The following CASZ1 variants were observed in gnomAD, a reference collection of about 807,000 sequenced individuals.
CASZ1 encodes zinc finger protein castor homolog 1.
Under a neutral mutation model 135.2 loss-of-function variants are expected in CASZ1, and 28 were observed. The observed-to-expected ratio is 0.21, with a 90% CI of 0.15 to 0.28. CASZ1 has a LOEUF of 0.28. Ranked by LOEUF, CASZ1 falls within the 10% of genes least tolerant of loss-of-function variation. The pLI is 1.00. For missense variants in CASZ1, 2,161 were observed against 2,453.3 expected, an observed-to-expected ratio of 0.88 and a Z score of 2.52; for synonymous variants, 1,068 against 1,073.4, an observed-to-expected ratio of 0.99 and a Z score of 0.10.
In CASZ1 at chr1:10,711,594, A is replaced by T. The variant is rs1371694558; in HGVS notation, c.-76-6050T>A. 6.6e-6 allele frequency among the ~76,000 whole-genome samples: 1 copy of T among 152,106 alleles called. No individual in the cohort carries two copies. The highest frequency in any genetic ancestry group is 1.5e-5 in the Non-Finnish European group (1 of 68,004). On this transcript the variant is annotated intron_variant, in intron 2 of 20. Coordinates refer to ENST00000377022, the MANE Select transcript of CASZ1 (RefSeq NM_001079843.3). This position sits in a 1 kb window ranked among gnomAD's most constrained non-coding sequence, Gnocchi z 4.4. ...ATGGAAAACAGGTACTCAAAAAAAA[A>T]AAAAAAAGAAAAACAAACAAAACCT...
At position 10,701,721 on chromosome 1, in the gene CASZ1, G is replaced by T. The variant is rs1420160977; in HGVS notation, c.-24+3771C>A. Among the ~76,000 whole-genome samples, 1 of 152,196 alleles carries T rather than the reference G, an allele frequency of 6.6e-6. No homozygotes were observed. The highest frequency in any genetic ancestry group is 1.5e-5 in the Non-Finnish European group (1 of 68,032). ...TCGGCCGATCAGGCTGCTGGTTTGA[G>T]GGCTGGCAGCCTTGGCCGGGACGGA... On this transcript the variant is annotated intron_variant, in intron 3 of 20. Transcript: ENST00000377022. This position sits in a 1 kb window ranked among gnomAD's most constrained non-coding sequence, Gnocchi z 6.3.
rs893383375 is a variant in CASZ1, at chr1:10,747,545, C to T, written c.-77+13156G>A. On this transcript the variant is annotated intron_variant, in intron 2 of 20. Transcript: ENST00000377022. The surrounding 1 kb of genome is among the most constrained non-coding windows in gnomAD (Gnocchi z 4.3). ...TGAGCAGAAGCTGCAGTCCCTGTCC[C>T]GGGCTTTGCAGAGTGGGGAGAAGGT... is the stretch of plus-strand genomic sequence containing the variant. Among the ~76,000 whole-genome samples, 2 of 152,172 alleles carry T rather than the reference C, an allele frequency of 1.3e-5. No homozygotes were observed. Among genetic ancestry groups the T allele is most frequent in the Non-Finnish European group, 2.9e-5 (2 of 68,040 alleles).
At chr1:10,698,123 G>A (rs1417074066) in intron 3 of CASZ1, among the ~76,000 whole-genome samples, 11 of 152,232 alleles carry the variant, frequency 7.2e-5, no homozygotes, top group South Asian at 4.1e-4. Context: ...CGAGGGCCGC[G>A]CCGAGTGTAA....
rs546365861 is a variant in CASZ1, at chr1:10,662,529, C to T, written c.506-1993G>A. 9.7e-4 allele frequency among the ~76,000 whole-genome samples: 147 copies of T among 152,002 alleles called. 1 individual carries two copies. The highest frequency in any genetic ancestry group is 1.8e-3 in the Non-Finnish European group (125 of 67,990). ...ACACGGTCACATGCACACAGTCACA[C>T]ACAACACACATGCAATCACACACAC... On this transcript the variant is annotated intron_variant, in intron 5 of 20. Coordinates refer to ENST00000377022, the MANE Select transcript of CASZ1 (RefSeq NM_001079843.3).
chr1:10,785,795 C>T (rs1640848966), intron 1 of CASZ1, among the ~76,000 whole-genome samples: 1 of 152,272 alleles, frequency 6.6e-6, no homozygotes, highest in Non-Finnish European at 1.5e-5. Flanking sequence ...CTGCTTCATC[C>T]TCCTCCTGCG....
intron 1 of CASZ1, among the ~76,000 whole-genome samples, chr1:10,764,714 C>T (rs1347931885): frequency 6.6e-6 from 1 of 152,204 alleles, no homozygotes; most frequent in African/African-American, 2.4e-5. Context: ...GTTGTCCCTC[C>T]AGAATCTCAG....
intron 20 of CASZ1, 21 bp downstream of exon 20, chr1:10,642,838 C>G (rs1452244858): frequency 6.2e-7 from 1 of 1,608,980 alleles, no homozygotes; most frequent in Admixed American, 1.7e-5. Flanking sequence ...GCCCTGCCAG[C>G]AGCCCCTGCC....
chr1:10,794,532 A>T lies in CASZ1; in HGVS notation c.-234+2032T>A, dbSNP rs905292350. Among the ~76,000 whole-genome samples, 5 of 151,688 alleles carry T rather than the reference A, an allele frequency of 3.3e-5. No homozygotes were observed. The highest frequency in any genetic ancestry group is 7.3e-5 in the African/African-American group (3 of 41,298). The stretch of plus-strand genomic sequence containing the variant: ...ACTGCCGCTTTTCCGGTGGGCACGC[A>T]CCCGCACCCGCACCGTAGCCAGCGT... On this transcript the variant is annotated intron_variant, in intron 1 of 20. Transcript: ENST00000377022. The surrounding 1 kb of genome is among the most constrained non-coding windows in gnomAD (Gnocchi z 5.6).
At chr1:10,772,049 G>A (rs1640586513) in intron 1 of CASZ1, among the ~76,000 whole-genome samples, 1 of 152,230 alleles carries the variant, frequency 6.6e-6, no homozygotes, top group Admixed American at 6.5e-5. Context: ...GCAACAGTGA[G>A]AGGGTGGAGC....
rs372780705 is a variant in CASZ1 at position 10,684,294 on chromosome 1, C to T, written c.16+9580G>A. Among the ~76,000 whole-genome samples the T allele has an allele frequency of 2.0e-5, 3 of 152,216 alleles. No homozygotes were observed. The East Asian group carries it at 5.8e-4, about 29-fold the overall frequency. ...GCTCAGTGTTAAAGGGGTGGGATCA[C>T]AGCTGCAAGCCCTTTTCTAGGCCGG... On this transcript the variant is annotated intron_variant, in intron 4 of 20. Coordinates refer to ENST00000377022, the MANE Select transcript of CASZ1 (RefSeq NM_001079843.3).
intron 1 of CASZ1, among the ~76,000 whole-genome samples, chr1:10,773,252 G>T (rs1640605679): frequency 6.6e-6 from 1 of 152,176 alleles, no homozygotes; most frequent in African/African-American, 2.4e-5. Context: ...GACAGCAGCA[G>T]GATTTAATAC....
rs191905716 is a variant in CASZ1, at chr1:10,776,832, A to T, written c.-233-15975T>A. ...AGGTGGCTGCTTGCCAGCGATGGAG[A>T]TGGGGCTAGAACCACCTCACCTTCT... On this transcript the variant is annotated intron_variant, in intron 1 of 20. Coordinates refer to ENST00000377022, the MANE Select transcript of CASZ1 (RefSeq NM_001079843.3). The surrounding 1 kb of genome is among the most constrained non-coding windows in gnomAD (Gnocchi z 4.1). Among the ~76,000 whole-genome samples the T allele has an allele frequency of 6.6e-6, 1 of 152,218 alleles. No homozygotes were observed. The highest frequency in any genetic ancestry group is 1.5e-5 in the Non-Finnish European group (1 of 67,988).
In CASZ1 at chr1:10,676,038, C is replaced by T. The variant is rs1174316156; in HGVS notation, c.17-10467G>A. 6.6e-6 allele frequency among the ~76,000 whole-genome samples: 1 copy of T among 152,178 alleles called. No individual in the cohort carries two copies. The highest frequency in any genetic ancestry group is 2.4e-5 in the African/African-American group (1 of 41,442). On this transcript the variant is annotated intron_variant, in intron 4 of 20. Coordinates refer to ENST00000377022, the MANE Select transcript of CASZ1 (RefSeq NM_001079843.3). This position sits in a 1 kb window ranked among gnomAD's most constrained non-coding sequence, Gnocchi z 4.5. Reference sequence around the variant, plus strand: ...GGATGGCAGAGACAGTCAGGATGAACCAGGCGCCCAACCCCAGCAGCCAGG... The same window carrying T: ...GGATGGCAGAGACAGTCAGGATGAATCAGGCGCCCAACCCCAGCAGCCAGG...
rs1639477759 is a variant in CASZ1 at position 10,720,514 on chromosome 1, C to A, written c.-76-14970G>T. ...AACTGACGAAAGCAGCCACCAAGGC[C>A]CTGGACTGTAAGGCTGGAGGGGAAG... On this transcript the variant is annotated intron_variant, in intron 2 of 20. Coordinates refer to ENST00000377022, the MANE Select transcript of CASZ1 (RefSeq NM_001079843.3). The surrounding 1 kb of genome is among the most constrained non-coding windows in gnomAD (Gnocchi z 5.7). Among the ~76,000 whole-genome samples, 1 of 152,136 alleles carries A rather than the reference C, an allele frequency of 6.6e-6. No homozygotes were observed. The highest frequency in any genetic ancestry group is 2.1e-4 in the South Asian group (1 of 4,826).
At chr1:10,792,437 C>T (rs1009208105) in intron 1 of CASZ1, among the ~76,000 whole-genome samples, 2 of 145,508 alleles carry the variant, frequency 1.4e-5, no homozygotes, top group Non-Finnish European at 3.0e-5. Flanking sequence ...AGCACCATCT[C>T]TATGGAAGAA....
intron 1 of CASZ1, among the ~76,000 whole-genome samples, chr1:10,773,673 C>T (rs968359165): frequency 1.3e-5 from 2 of 152,086 alleles, no homozygotes; most frequent in African/African-American, 2.4e-5. Context: ...CTCCCCCAAA[C>T]CAAGCAGGAC....
intron 2 of CASZ1, among the ~76,000 whole-genome samples, chr1:10,713,383 G>C (rs1387829362): frequency 6.6e-6 from 1 of 152,204 alleles, no homozygotes; most frequent in Admixed American, 6.5e-5. Flanking sequence ...ATAATTTGTA[G>C]GTCCTGAACT....
intron 15 of CASZ1, 48 bp downstream of exon 15, chr1:10,649,022 C>A (rs1402997711): frequency 6.3e-7 from 1 of 1,597,440 alleles, no homozygotes; most frequent in Non-Finnish European, 8.6e-7. Flanking sequence ...CAGAGCCAGG[C>A]TGGGATCCGT....
intron 3 of CASZ1, 42 bp downstream of exon 3, chr1:10,705,450 C>T (rs115756159): frequency 1.2e-4 from 19 of 152,474 alleles, no homozygotes; most frequent in South Asian, 2.1e-4. Context: ...GGTCACCAGT[C>T]GGGGAGAGGA....
Sources: gnomAD v4.1 joint callset for allele counts (sites outside exome capture counted in the v4.1 genomes callset) on GRCh38, gnomAD v4.1.1 for gene constraint, Gnocchi (gnomAD v3.1) non-coding constraint, MANE v1.5 for transcripts, NCBI Gene and HGNC (gene_info 2026-07-23, HGNC 2026-07-21) for gene names.